The following SVEP1 variants were observed in gnomAD, a reference collection of about 807,000 sequenced individuals.
The protein encoded by SVEP1 is sushi, von Willebrand factor type A, EGF and pentraxin domain containing 1, also known as sushi, von Willebrand factor type A, EGF and pentraxin domain-containing protein 1.
SVEP1 carries 164 observed loss-of-function variants against 367.3 expected under a neutral mutation model. That is an observed-to-expected ratio of 0.45 (90% CI 0.39 to 0.51). The LOEUF (loss-of-function observed/expected upper bound fraction) is 0.51, where lower values mean the gene tolerates loss of function less well. Ranked by LOEUF, SVEP1 falls within the 20% of genes least tolerant of loss-of-function variation. The pLI, the probability that SVEP1 is intolerant of heterozygous loss-of-function variation, is 0.00. For missense variants in SVEP1, 4,117 were observed against 4,425.3 expected (o/e 0.93, Z 1.98); for synonymous variants, 1,666 against 1,611.6 (o/e 1.03, Z -0.81).
intron 8 of SVEP1, among the ~76,000 whole-genome samples, chr9:110,493,152 G>A (rs910572564): frequency 1.3e-5 from 2 of 152,036 alleles, no homozygotes; most frequent in East Asian, 1.9e-4. Flanking sequence ...TGGAGCTAAG[G>A]GGAAGGGCAG....
chr9:110,526,309 T>G (rs1486975014), intron 3 of SVEP1, among the ~76,000 whole-genome samples: 3 of 151,974 alleles, frequency 2.0e-5, no homozygotes, highest in Non-Finnish European at 4.4e-5. Flanking sequence ...GTAGACTATA[T>G]AAAGAACTCT....
chr9:110,577,824 G>C (rs1830644020), intron 1 of SVEP1, among the ~76,000 whole-genome samples: 1 of 151,666 alleles, frequency 6.6e-6, no homozygotes, highest in Non-Finnish European at 1.5e-5. Context: ...AAATATCAGA[G>C]GAAAAAATAC....
intron 8 of SVEP1, among the ~76,000 whole-genome samples, chr9:110,490,321 C>A (rs576367316): frequency 6.6e-6 from 1 of 152,172 alleles, no homozygotes; most frequent in South Asian, 2.1e-4. Context: ...TTTATCTTTT[C>A]TTTATGCTGG....
chr9:110,524,718 T>TATTA lies in SVEP1; in HGVS notation c.965-10613_965-10612insTAAT, dbSNP rs35477110. Among the ~76,000 whole-genome samples the TATTA allele has an allele frequency of 1.9e-4, 27 of 143,838 alleles. 1 individual carries two copies. In the South Asian group the frequency reaches 5.3e-3, roughly 29 times the overall value. The allele number at this position is 143,838 out of a possible 152,430, so 94.4% of individuals were successfully genotyped here. ...ATACAAATGTTATTATTATTATTAC[T>TATTA]TTTTTTTTTTTTAAGCAGGGTCTCA... is the stretch of plus-strand genomic sequence containing the variant. On this transcript the variant is annotated intron_variant, in intron 3 of 47. Transcript: ENST00000374469.
Position 110,471,527 on chromosome 9 carries a change from T to C in SVEP1, c.2835A>G (p.Thr945=), listed in dbSNP as rs779106373. 5.6e-6 allele frequency: 9 copies of C among 1,614,004 alleles called. No homozygotes were observed. Among genetic ancestry groups the C allele is most frequent in the African/African-American group, 2.7e-5 (2 of 75,056 alleles). Residue 945 remains threonine (T), a synonymous_variant, in exon 16 of 48, where the codon ACA becomes ACG. Transcript: ENST00000374469. ...TCAGTTTATTTGTGATAGTTTCCAA[T>C]GTCTGAAGGAGTCGTTGCTGATTTT... ...EWENQQRLLQ[T]LETITNKLKR... is the part of the protein sequence containing the mutation.
chr9:110,465,157 C>T (rs541289654), intron 18 of SVEP1, among the ~76,000 whole-genome samples: 3 of 152,048 alleles, frequency 2.0e-5, no homozygotes, highest in South Asian at 4.1e-4. Flanking sequence ...AGACCCCTCC[C>T]CAGACCTACC....
At chr9:110,390,053 G>A (rs915521939) in intron 40 of SVEP1, among the ~76,000 whole-genome samples, 36 of 120,486 alleles carry the variant, frequency 3.0e-4, no homozygotes, top group South Asian at 5.6e-4. Flanking sequence ...ATATATACAC[G>A]TATATATATA....
At chr9:110,390,557 T>C (rs997833441) in intron 40 of SVEP1, among the ~76,000 whole-genome samples, 5 of 151,192 alleles carry the variant, frequency 3.3e-5, no homozygotes, top group Non-Finnish European at 5.9e-5. Flanking sequence ...CCCCAGAAAC[T>C]ATTTGGTTCA....
intron 47 of SVEP1, among the ~76,000 whole-genome samples, chr9:110,367,539 A>G (rs189529672): frequency 5.2e-4 from 79 of 152,182 alleles, no homozygotes; most frequent in Admixed American, 1.4e-3. Context: ...TTTATTGTTT[A>G]TTTCTCAGAC....
chr9:110,469,040 G>A lies in SVEP1; in HGVS notation c.3060C>T (p.Ile1020=), dbSNP rs1014502612. Residue 1020 remains isoleucine, a synonymous_variant, in exon 17 of 48, where the codon ATC becomes ATT. Coordinates refer to ENST00000374469, the MANE Select transcript of SVEP1 (RefSeq NM_153366.4). The stretch of plus-strand genomic sequence containing the variant: ...GCCCTTCTTCATCTTGATAGGATCC[G>A]ATCCGGCAGCTTTCACAGGTGAAAT... ...LEHFTCESCR[I]GSYQDEEGQL... The A allele has an allele frequency of 1.5e-5, 24 of 1,613,728 alleles. No homozygotes were observed. The highest frequency in any genetic ancestry group is 4.5e-5 in the East Asian group (2 of 44,888).
At chr9:110,558,344 A>G (rs1830379989) in intron 1 of SVEP1, among the ~76,000 whole-genome samples, 5 of 150,808 alleles carry the variant, frequency 3.3e-5, no homozygotes, top group Admixed American at 3.3e-4. Flanking sequence ...AAAAAAAAAA[A>G]AAAAAAAAAA....
chr9:110,558,693 G>A (rs1204862552), intron 1 of SVEP1, among the ~76,000 whole-genome samples: 1 of 151,904 alleles, frequency 6.6e-6, no homozygotes, highest in African/African-American at 2.4e-5. Flanking sequence ...TCAAAATAAT[G>A]AAAGACAGAG....
At chr9:110,430,598 C>T in intron 32 of SVEP1, 148 bp from the exon 33 acceptor site, 1 of 737,766 alleles carries the variant, frequency 1.4e-6, no homozygotes, top group Non-Finnish European at 2.2e-6. Context: ...GGCCCAGAGA[C>T]ACATTGGACA....
Position 110,408,813 on chromosome 9 carries a change from C to A in SVEP1, c.6787G>T (p.Asp2263Tyr), listed in dbSNP as rs370877731. Residue 2263 changes from aspartate (D) to tyrosine (Y), a missense_variant, in exon 38 of 48, where the codon GAC (aspartate) becomes TAC (tyrosine). Physicochemically the swap from Asp to Tyr is radical, Grantham distance 160. Transcript: ENST00000374469. ...TGGATCGGGGGAGGTTTTCCACAGT[C>A]GAGAGGAACACACATCAGAGGGGAT... is the stretch of plus-strand genomic sequence containing the variant. The part of the protein sequence containing the change: ...SESPLMCVPL[D>Y]CGKPPPIQNG... 6.2e-7 allele frequency: 1 copy of A among 1,613,030 alleles called. No homozygotes were observed. The highest frequency in any genetic ancestry group is 8.5e-7 in the Non-Finnish European group (1 of 1,179,860).
chr9:110,566,403 A>G (rs966489060), intron 1 of SVEP1, among the ~76,000 whole-genome samples: 1 of 152,084 alleles, frequency 6.6e-6, no homozygotes, highest in African/African-American at 2.4e-5. Context: ...TGCTATTGTG[A>G]AGATTTAATA....
chr9:110,409,872 T>TTGTTTGTGCATTGCTTG (rs1828019692), intron 37 of SVEP1, among the ~76,000 whole-genome samples: 2 of 151,920 alleles, frequency 1.3e-5, no homozygotes, highest in South Asian at 4.2e-4. Flanking sequence ...ATTACTCATT[T>TTGTTTGTGCATTGCTTG]TGTTTATGCA....
chr9:110,371,214 A>ATAAT (rs939831904), intron 46 of SVEP1, among the ~76,000 whole-genome samples: 15 of 152,206 alleles, frequency 9.9e-5, no homozygotes, highest in African/African-American at 3.6e-4. Context: ...ATAAAACTCA[A>ATAAT]TAATTGAAAA....
At chr9:110,402,511 A>G (rs1827879627) in intron 39 of SVEP1, among the ~76,000 whole-genome samples, 1 of 152,156 alleles carries the variant, frequency 6.6e-6, no homozygotes, top group Non-Finnish European at 1.5e-5. Flanking sequence ...ATTTAAACCA[A>G]AACCCAGTTG....
rs1829205666 is a variant in SVEP1 at position 110,482,393 on chromosome 9, T to C, written c.2138A>G (p.Asn713Ser). ...GACAATATGGATATCACATGTCCTG[T>C]TATTGCCTGAGGGGTCAGTGGCTGT... ...QYTATDPSGN[N>S]RTCDIHIVIK... The change falls in exon 11 of 48, where the codon AAC becomes AGC. Residue 713 changes from asparagine to serine, a missense_variant. This residue lies in a region of SVEP1 where 2,174 missense variants were observed against 2,494.3 expected (regional missense o/e 0.87). Coordinates refer to ENST00000374469, the MANE Select transcript of SVEP1 (RefSeq NM_153366.4). 6.2e-7 allele frequency: 1 copy of C among 1,612,676 alleles called. No individual in the cohort carries two copies. The highest frequency in any genetic ancestry group is 1.7e-5 in the Admixed American group (1 of 59,884).
Sources: allele counts gnomAD v4.1 joint callset (sites outside exome capture counted in the v4.1 genomes callset), GRCh38; gene constraint gnomAD v4.1.1; regional missense constraint gnomAD v4.1.1; transcripts MANE v1.5; gene names NCBI Gene and HGNC (gene_info 2026-07-23, HGNC 2026-07-21).